The following PLEKHG4B variants were observed in gnomAD, a reference collection of about 807,000 sequenced individuals.
PLEKHG4B encodes the protein pleckstrin homology domain-containing family G member 4B.
PLEKHG4B carries 111 observed loss-of-function variants against 121.3 expected under a neutral mutation model. The observed-to-expected ratio is 0.92, with a 90% confidence interval of 0.78 to 1.07. The LOEUF is 1.07. PLEKHG4B is among the 50% of genes least tolerant of loss of function. The pLI is 0.00. For missense variants in PLEKHG4B, 1,831 were observed against 1,757.8 expected (o/e 1.04, Z -0.74); for synonymous variants, 738 against 725.0 (o/e 1.02, Z -0.29).
chr5:93,322 C>G (rs1473329970), intron 1 of PLEKHG4B, among the ~76,000 whole-genome samples: 1 of 152,070 alleles, frequency 6.6e-6, no homozygotes, highest in Non-Finnish European at 1.5e-5. Flanking sequence ...CTTTCAATTT[C>G]CCTGAGCCTG....
rs111788449 is a variant in PLEKHG4B, at chr5:92,786, C to T, written c.45+510C>T. On this transcript the variant is annotated intron_variant, in intron 1 of 19. Transcript: ENST00000637938. ...AACTGAGAGTTGCTAAGTTACTCTT[C>T]AGCTCAAACCGGTGGGACAGAACAG... is the stretch of plus-strand genomic sequence containing the variant. Among the ~76,000 whole-genome samples the T allele has an allele frequency of 3.1e-3, 476 of 152,190 alleles. 4 individuals are homozygous for T. The highest frequency in any genetic ancestry group is 9.7e-3 in the African/African-American group (402 of 41,496).
chr5:151,474 G>T, intron 6 of PLEKHG4B, 39 bp from the exon 7 acceptor site: 1 of 1,372,478 alleles, frequency 7.3e-7, no homozygotes, highest in Non-Finnish European at 1.0e-6. Flanking sequence ...TTAAAAATTA[G>T]AAAGCTAATC....
chr5:109,896 G>A (rs905151980), intron 1 of PLEKHG4B, among the ~76,000 whole-genome samples: 1 of 152,004 alleles, frequency 6.6e-6, no homozygotes, highest in Admixed American at 6.5e-5. Context: ...TGGTTGCTCT[G>A]CAACACACAT....
chr5:162,804 A>G lies in PLEKHG4B; in HGVS notation c.2732A>G (p.Glu911Gly), dbSNP rs914820013. 4.0e-6 allele frequency: 6 copies of G among 1,500,894 alleles called. No individual in the cohort carries two copies. In the Admixed American group the frequency reaches 1.4e-4, roughly 35 times the overall value. 93.0% of individuals were successfully genotyped at this position (1,500,894 alleles called of 1,614,324 possible). ...GAGTGTTTGAGGAGCTGTCACCAGG[A>G]GGCTACCTCGGTGGCTGCAGAGGCC... The part of the protein sequence containing the change: ...VAECLRSCHQ[E>G]ATSVAAEAFP... Residue 911 changes from glutamate (E) to glycine (G), a missense_variant, in exon 13 of 20, where the codon GAG becomes GGG. By Grantham distance (98) the Glu-to-Gly change is moderately conservative. Coordinates refer to ENST00000637938, the MANE Select transcript of PLEKHG4B (RefSeq NM_052909.5).
Position 126,219 on chromosome 5 carries a change from T to C in PLEKHG4B, c.243+12771T>C, listed in dbSNP as rs186117640. ...TACTCTCCTTCTGGAACTCCCATTT[T>C]ACATATGCTGGCTGCTCGATGGTAT... is the stretch of plus-strand genomic sequence containing the variant. On this transcript the variant is annotated intron_variant, in intron 2 of 19. Transcript: ENST00000637938. 2.1e-4 allele frequency among the ~76,000 whole-genome samples: 32 copies of C among 152,360 alleles called. No homozygotes were observed. The East Asian group carries it at 6.0e-3, about 28-fold the overall frequency.
chr5:111,823 C>T (rs1263263578), intron 1 of PLEKHG4B, among the ~76,000 whole-genome samples: 1 of 152,154 alleles, frequency 6.6e-6, no homozygotes, highest in African/African-American at 2.4e-5. Flanking sequence ...GCATTTGCCC[C>T]AAATCCTAAA....
chr5:112,115 G>T (rs1377291401), intron 1 of PLEKHG4B, among the ~76,000 whole-genome samples: 1 of 152,240 alleles, frequency 6.6e-6, no homozygotes, highest in South Asian at 2.1e-4. Flanking sequence ...GCCCTGTCGG[G>T]TGAGTGAGAA....
At chr5:112,597 G>A (rs6555608) in intron 1 of PLEKHG4B, among the ~76,000 whole-genome samples, 28,486 of 152,206 alleles carry the variant, frequency 0.19, 3,763 homozygotes, top group African/African-American at 0.37. Flanking sequence ...CCAAGCGGAA[G>A]TCAGTGGCCA....
Position 143,254 on chromosome 5 carries a change from C to T in PLEKHG4B, c.1685C>T (p.Pro562Leu). Residue 562 changes from proline to leucine, a missense_variant and splice_region_variant, in exon 4 of 20, where the codon CCA becomes CTA. Coordinates refer to ENST00000637938, the MANE Select transcript of PLEKHG4B (RefSeq NM_052909.5). ...CTGCAGTCCGGGGTCGTCACCCTCC[C>T]AGGTGAGAGCACATGCCAGGCTCTC... ...ELLQSGVVTL[P>L]GTRDRHGRAV... The T allele has an allele frequency of 2.5e-6, 4 of 1,609,906 alleles. No individual in the cohort carries two copies. The highest frequency in any genetic ancestry group is 2.5e-6 in the Non-Finnish European group (3 of 1,179,930).
At position 156,324 on chromosome 5, in the gene PLEKHG4B, T is replaced by C; in HGVS notation, c.2348+114T>C. On this transcript the variant is annotated intron_variant, in intron 10 of 19. Coordinates refer to ENST00000637938, the MANE Select transcript of PLEKHG4B (RefSeq NM_052909.5). The surrounding 1 kb of genome is among the most constrained non-coding windows in gnomAD (Gnocchi z 4.4). ...CAAGGAGAGCCCCCTCTGTGCTTGGTCCAGACCTCCATTCTGACAGCCACG... is the reference window on the plus strand; with the variant it reads ...CAAGGAGAGCCCCCTCTGTGCTTGGCCCAGACCTCCATTCTGACAGCCACG... 4 of 1,138,918 alleles carry C rather than the reference T, an allele frequency of 3.5e-6. No homozygotes were observed. Among genetic ancestry groups the C allele is most frequent in the Non-Finnish European group, 4.6e-6 (4 of 877,542 alleles). 70.6% of individuals were successfully genotyped at this position (1,138,918 alleles called of 1,614,324 possible). A position where few individuals can be genotyped will look rare whatever the true frequency, so the allele number is the denominator to read the frequency against.
intron 13 of PLEKHG4B, among the ~76,000 whole-genome samples, chr5:166,742 C>T (rs916650096): frequency 1.3e-5 from 2 of 152,190 alleles, no homozygotes; most frequent in Non-Finnish European, 1.5e-5. Flanking sequence ...GGGGTTTCCT[C>T]CTCACACCCT....
rs907198082 is a variant in PLEKHG4B, at chr5:183,119, A to C, written c.*796A>C. ...TCTGTGAGCATTAGGTGGAGTTCTCAGAAAATCTTGCCTCAGGAATGGGGA... is the reference window on the plus strand; with the variant it reads ...TCTGTGAGCATTAGGTGGAGTTCTCCGAAAATCTTGCCTCAGGAATGGGGA... On this transcript the variant is annotated 3_prime_UTR_variant, in exon 20 of 20. Transcript: ENST00000637938. 1 of 152,246 alleles carries C rather than the reference A, an allele frequency of 6.6e-6. No individual in the cohort carries two copies. The highest frequency in any genetic ancestry group is 2.4e-5 in the African/African-American group (1 of 41,460). The allele number at this position is 152,246 out of a possible 1,614,324, so 9.4% of individuals were successfully genotyped here.
rs1736111256 is a variant in PLEKHG4B, at chr5:163,343, C to T, written c.3271C>T (p.Pro1091Ser). ...KKTQSFEIPQ[P>S]DSGPRDSCQP... is the part of the protein sequence containing the mutation. The stretch of plus-strand genomic sequence containing the variant: ...AACGCAAAGTTTCGAGATACCTCAG[C>T]CCGACAGTGGCCCCAGGGACTCCTG... Residue 1091 changes from proline to serine, a missense_variant, in exon 13 of 20, where the codon CCC becomes TCC. Coordinates refer to ENST00000637938, the MANE Select transcript of PLEKHG4B (RefSeq NM_052909.5). The T allele has an allele frequency of 6.2e-7, 1 of 1,613,380 alleles. No individual in the cohort carries two copies. The highest frequency in any genetic ancestry group is 8.5e-7 in the Non-Finnish European group (1 of 1,180,034).
Position 169,356 on chromosome 5 carries a change from A to G in PLEKHG4B, c.3493A>G (p.Ile1165Val), listed in dbSNP as rs769492672. The G allele has an allele frequency of 6.2e-7, 1 of 1,614,078 alleles. No individual in the cohort carries two copies. Among genetic ancestry groups the G allele is most frequent in the Non-Finnish European group, 8.5e-7 (1 of 1,180,036 alleles). The part of the protein sequence containing the change: ...QQVGSSRLRH[I>V]MAEMIATERE... ...GTCTTCCAGCAGCCGACTGAGGCAC[A>G]TCATGGCCGAGATGATCGCCACAGA... Residue 1165 changes from isoleucine to valine, a missense_variant, in exon 14 of 20, where the codon ATC (isoleucine) becomes GTC (valine). Coordinates refer to ENST00000637938, the MANE Select transcript of PLEKHG4B (RefSeq NM_052909.5).
At position 169,385 on chromosome 5, in the gene PLEKHG4B, G is replaced by T; in HGVS notation, c.3522G>T (p.Arg1174Ser). 3 of 1,614,102 alleles carry T rather than the reference G, an allele frequency of 1.9e-6. No individual in the cohort carries two copies. Among genetic ancestry groups the T allele is most frequent in the Non-Finnish European group, 2.5e-6 (3 of 1,180,046 alleles). The part of the protein sequence containing the change: ...HIMAEMIATE[R>S]EYIRCLGYVI... ...TGGCCGAGATGATCGCCACAGAGAG[G>T]GAGTACATTCGGTGCTTAGGATACG... Residue 1174 changes from arginine (R) to serine (S), a missense_variant, in exon 14 of 20, where the codon AGG becomes AGT. Transcript: ENST00000637938.
Position 163,517 on chromosome 5 carries a change from G to T in PLEKHG4B, c.3445G>T (p.Ala1149Ser). The change falls in exon 13 of 20, where the codon GCT (alanine) becomes TCT (serine). Residue 1149 changes from alanine (A) to serine (S), a missense_variant. Coordinates refer to ENST00000637938, the MANE Select transcript of PLEKHG4B (RefSeq NM_052909.5). Reference protein sequence around the residue: ...SLSSPSGLHPAEEDGRQQVGS... With the variant: ...SLSSPSGLHPSEEDGRQQVGS... ...GTCCTCCCCCTCGGGGCTCCACCCT[G>T]CTGAGGAGGATGGGAGGCAGCAGGT... 1 of 1,608,732 alleles carries T rather than the reference G, an allele frequency of 6.2e-7. No individual in the cohort carries two copies.
intron 16 of PLEKHG4B, among the ~76,000 whole-genome samples, chr5:172,161 G>A (rs1408441406): frequency 2.6e-5 from 4 of 152,172 alleles, no homozygotes; most frequent in Admixed American, 6.5e-5. Flanking sequence ...CGACGGAATC[G>A]GGGCTGCTTC....
chr5:149,857 T>TA (rs1322799047), intron 6 of PLEKHG4B, among the ~76,000 whole-genome samples: 2 of 152,146 alleles, frequency 1.3e-5, no homozygotes, highest in Non-Finnish European at 2.9e-5. Context: ...GTGGCTATTG[T>TA]AAAAAAACAA....
At chr5:141,600 G>T (rs1735205652) in intron 3 of PLEKHG4B, among the ~76,000 whole-genome samples, 1 of 151,822 alleles carries the variant, frequency 6.6e-6, no homozygotes, top group Non-Finnish European at 1.5e-5. Flanking sequence ...TCCAACTGGA[G>T]GCCACATTCA....
Sources: allele counts gnomAD v4.1 joint callset (sites outside exome capture counted in the v4.1 genomes callset), GRCh38; gene constraint gnomAD v4.1.1; non-coding constraint Gnocchi (gnomAD v3.1); transcripts MANE v1.5; gene names NCBI Gene and HGNC (gene_info 2026-07-23, HGNC 2026-07-21).